Variants in PPM1E observed in about 807,000 individuals in gnomAD.
PPM1E encodes protein phosphatase, Mg2+/Mn2+ dependent 1E, also known as protein phosphatase 1E.
Under a neutral mutation model 65.9 loss-of-function variants are expected in PPM1E, and 20 were observed. That is an observed-to-expected ratio of 0.30 (90% CI 0.21 to 0.44). PPM1E has a LOEUF of 0.44. PPM1E is among the 20% of genes least tolerant of loss of function. The probability of loss-of-function intolerance (pLI) is 1.00; values close to 1 mark genes in which losing one functional copy is unlikely to be tolerated. For synonymous variants in PPM1E, 352 were observed against 374.9 expected, an observed-to-expected ratio of 0.94 and a Z score of 0.70; for missense variants, 713 against 953.1, an observed-to-expected ratio of 0.75 and a Z score of 3.32.
intron 1 of PPM1E, among the ~76,000 whole-genome samples, chr17:58,870,245 A>C (rs1444265776): frequency 6.6e-6 from 1 of 152,200 alleles, no homozygotes; most frequent in Non-Finnish European, 1.5e-5. Context: ...TATTTTAGAC[A>C]ATTTTTTCAT....
intron 1 of PPM1E, among the ~76,000 whole-genome samples, chr17:58,953,289 G>A (rs1264412296): frequency 6.6e-6 from 1 of 152,186 alleles, no homozygotes; most frequent in Non-Finnish European, 1.5e-5. Context: ...CAGTTCTGCA[G>A]GCTATACAAG....
At chr17:58,934,087 CAAAAAAAAAA>C (rs11316368) in intron 1 of PPM1E, among the ~76,000 whole-genome samples, 2 of 80,158 alleles carry the variant, frequency 2.5e-5, no homozygotes, top group African/African-American at 4.8e-5. Context: ...GACTTCGTAT[CAAAAAAAAAA>C]AAAAAAAAAA....
At position 58,803,518 on chromosome 17, in the gene PPM1E, G is replaced by T. The variant is rs2050278134; in HGVS notation, c.464+47057G>T. 1.3e-5 allele frequency among the ~76,000 whole-genome samples: 2 copies of T among 152,046 alleles called. 1 individual carries two copies. The highest frequency in any genetic ancestry group is 2.9e-5 in the Non-Finnish European group (2 of 68,008). ...GGGTTTTTGCATTTATGTTCATCAG[G>T]GATATTGGCACTACTAACATTTCAA... On this transcript the variant is annotated intron_variant, in intron 1 of 6. Coordinates refer to ENST00000308249, the MANE Select transcript of PPM1E (RefSeq NM_014906.5).
At chr17:58,810,950 CG>C (rs2050360782) in intron 1 of PPM1E, among the ~76,000 whole-genome samples, 1 of 151,796 alleles carries the variant, frequency 6.6e-6, no homozygotes, top group Non-Finnish European at 1.5e-5. Flanking sequence ...TTCCACCTCC[CG>C]GGTTCAAGCG....
intron 1 of PPM1E, among the ~76,000 whole-genome samples, chr17:58,883,982 G>A (rs1253553723): frequency 1.3e-5 from 2 of 152,102 alleles, no homozygotes; most frequent in African/African-American, 4.8e-5. Context: ...GGGCTCAATC[G>A]AATCGGGGAA....
chr17:58,849,736 A>G (rs1285573107), intron 1 of PPM1E, among the ~76,000 whole-genome samples: 1 of 152,212 alleles, frequency 6.6e-6, no homozygotes, highest in African/African-American at 2.4e-5. Flanking sequence ...TGCTGAGAAC[A>G]ATGTATATTC....
rs757818595 is a variant in PPM1E, at chr17:58,890,346, A to G, written c.465-65303A>G. 6.6e-5 allele frequency among the ~76,000 whole-genome samples: 10 copies of G among 152,314 alleles called. No individual in the cohort carries two copies. The Middle Eastern group carries it at 0.01, about 155-fold the overall frequency. ...CAGCATTATGCATGGGGAACGTTGTAAACAGCAAGGTTATCAGCACAAAGC... is the reference window on the plus strand; with the variant it reads ...CAGCATTATGCATGGGGAACGTTGTGAACAGCAAGGTTATCAGCACAAAGC... On this transcript the variant is annotated intron_variant, in intron 1 of 6. Coordinates refer to ENST00000308249, the MANE Select transcript of PPM1E (RefSeq NM_014906.5).
At chr17:58,887,955 GAGA>G (rs1415522546) in intron 1 of PPM1E, among the ~76,000 whole-genome samples, 1 of 152,180 alleles carries the variant, frequency 6.6e-6, no homozygotes, top group East Asian at 1.9e-4. Flanking sequence ...TATATTTTGA[GAGA>G]AGAAGCAATA....
chr17:58,873,565 GTATTATTAT>G (rs140125879), intron 1 of PPM1E, among the ~76,000 whole-genome samples: 1,427 of 141,000 alleles, frequency 0.01, 13 homozygotes, highest in Middle Eastern at 0.021. Context: ...AATGCTCATA[GTATTATTAT>G]TATTATTATT....
intron 1 of PPM1E, among the ~76,000 whole-genome samples, chr17:58,812,959 C>T (rs757072527): frequency 1.3e-5 from 2 of 152,146 alleles, no homozygotes; most frequent in Non-Finnish European, 2.9e-5. Flanking sequence ...TATTCTTCCT[C>T]CCTTCAATCT....
At position 58,756,122 on chromosome 17, in the gene PPM1E, A is replaced by AGTCCG. The variant is rs1567824324; in HGVS notation, c.125_126insGTCCG (p.Pro43SerfsTer14). 18 of 1,608,694 alleles carry AGTCCG rather than the reference A, an allele frequency of 1.1e-5. No homozygotes were observed. Among genetic ancestry groups the AGTCCG allele is most frequent in the Non-Finnish European group, 1.5e-5 (18 of 1,177,534 alleles). ...GAACCCGAACCCGAACCCGAACCCG[A>AGTCCG]ACCCGAGTCCGAGCCCGAGCCCGAA... On this transcript the variant is annotated frameshift_variant, in exon 1 of 7. Coordinates refer to ENST00000308249, the MANE Select transcript of PPM1E (RefSeq NM_014906.5). LOFTEE classifies it high-confidence loss of function.
At chr17:58,883,991 A>C (rs899489263) in intron 1 of PPM1E, among the ~76,000 whole-genome samples, 39 of 152,284 alleles carry the variant, frequency 2.6e-4, no homozygotes, top group African/African-American at 9.1e-4. Context: ...CGAATCGGGG[A>C]AGAGGGCTTC....
chr17:58,980,096 G>A lies in PPM1E; in HGVS notation c.1333G>A (p.Glu445Lys), dbSNP rs2031273126. Residue 445 changes from glutamate (E) to lysine (K), a missense_variant, in exon 7 of 7, where the codon GAG becomes AAG. By Grantham distance (56) the Glu-to-Lys change is moderately conservative. Coordinates refer to ENST00000308249, the MANE Select transcript of PPM1E (RefSeq NM_014906.5). The surrounding 1 kb of genome is among the most constrained non-coding windows in gnomAD (Gnocchi z 4.7). The part of the protein sequence containing the change: ...DGFYDTVNPD[E>K]AVKVVSDHLK... ...CTTCTATGACACCGTGAACCCTGATGAGGCAGTGAAAGTTGTGTCCGACCA... is the reference window on the plus strand; with the variant it reads ...CTTCTATGACACCGTGAACCCTGATAAGGCAGTGAAAGTTGTGTCCGACCA... 1 of 1,614,022 alleles carries A rather than the reference G, an allele frequency of 6.2e-7. No homozygotes were observed. The highest frequency in any genetic ancestry group is 8.5e-7 in the Non-Finnish European group (1 of 1,180,010).
At chr17:58,884,073 G>A (rs185454211) in intron 1 of PPM1E, among the ~76,000 whole-genome samples, 2 of 152,248 alleles carry the variant, frequency 1.3e-5, no homozygotes, top group Admixed American at 6.5e-5. Flanking sequence ...TGATACCTGC[G>A]TCCTCTACTG....
intron 1 of PPM1E, among the ~76,000 whole-genome samples, chr17:58,882,557 A>G (rs1303300465): frequency 1.3e-5 from 2 of 151,760 alleles, no homozygotes; most frequent in Non-Finnish European, 2.9e-5. Context: ...CGCCTGGCTA[A>G]TTTTTGTATT....
chr17:58,920,731 A>G (rs1174160711), intron 1 of PPM1E, among the ~76,000 whole-genome samples: 2 of 152,234 alleles, frequency 1.3e-5, no homozygotes, highest in African/African-American at 2.4e-5. Context: ...GTACTTGAAT[A>G]TAAGAGCCTA....
At chr17:58,950,961 G>A (rs1031792939) in intron 1 of PPM1E, among the ~76,000 whole-genome samples, 3 of 151,878 alleles carry the variant, frequency 2.0e-5, no homozygotes, top group Non-Finnish European at 4.4e-5. Context: ...TGTATTTTTA[G>A]TAGAGACGGG....
intron 1 of PPM1E, among the ~76,000 whole-genome samples, chr17:58,769,811 G>A (rs2049918259): frequency 1.3e-5 from 2 of 152,076 alleles, no homozygotes; most frequent in African/African-American, 4.8e-5. Context: ...CAGATCACTT[G>A]AGGTCAGGAG....
chr17:58,931,083 AAAAG>A (rs71358696), intron 1 of PPM1E, among the ~76,000 whole-genome samples: 28 of 141,436 alleles, frequency 2.0e-4, no homozygotes, highest in African/African-American at 5.4e-4. Flanking sequence ...AAAAAAAAAA[AAAAG>A]AAAGAAAGAA....
Sources: gnomAD v4.1 joint callset for allele counts (sites outside exome capture counted in the v4.1 genomes callset) on GRCh38, gnomAD v4.1.1 for gene constraint, Gnocchi (gnomAD v3.1) non-coding constraint, MANE v1.5 for transcripts, NCBI Gene and HGNC (gene_info 2026-07-23, HGNC 2026-07-21) for gene names.